GRIK3: variants seen among roughly 807,000 people sequenced by gnomAD.
GRIK3 encodes the protein glutamate receptor ionotropic, kainate 3.
GRIK3 carries 29 observed loss-of-function variants against 102.5 expected under a neutral mutation model. The ratio of observed to expected loss-of-function variants is 0.28; its 90% CI spans 0.21 to 0.39. The LOEUF (loss-of-function observed/expected upper bound fraction) is 0.39. GRIK3 is among the 10% of genes least tolerant of loss of function. The probability of loss-of-function intolerance (pLI) is 1.00; values close to 1 mark genes in which losing one functional copy is unlikely to be tolerated. For synonymous variants in GRIK3, 511 were observed against 504.9 expected (o/e 1.01, Z -0.16); for missense variants, 908 against 1,252.4 (o/e 0.73, Z 4.15).
chr1:36,830,340 T>C (rs937448462), intron 10 of GRIK3, among the ~76,000 whole-genome samples: 2 of 151,806 alleles, frequency 1.3e-5, no homozygotes, highest in African/African-American at 4.8e-5. Flanking sequence ...GCAAGCCACA[T>C]GTAGTGGATT....
intron 1 of GRIK3, among the ~76,000 whole-genome samples, chr1:36,982,168 C>T (rs1434595098): frequency 6.6e-6 from 1 of 152,166 alleles, no homozygotes; most frequent in Non-Finnish European, 1.5e-5. Flanking sequence ...AGGAATGTGC[C>T]AGTTTGTTAC....
intron 14 of GRIK3, 123 bp downstream of exon 14, chr1:36,805,979 AAG>A (rs1642495938): frequency 1.8e-6 from 1 of 556,788 alleles, no homozygotes. Flanking sequence ...ACAGAAAAAA[AAG>A]AGAAAACGTC....
intron 13 of GRIK3, among the ~76,000 whole-genome samples, chr1:36,808,275 T>C (rs569794673): frequency 7.9e-5 from 12 of 152,386 alleles, no homozygotes; most frequent in African/African-American, 2.4e-4. Flanking sequence ...ATTCTCCTGT[T>C]GTAGAAAGCT....
chr1:36,997,285 C>T (rs772326566), intron 1 of GRIK3, among the ~76,000 whole-genome samples: 46 of 152,278 alleles, frequency 3.0e-4, no homozygotes, highest in Admixed American at 3.9e-4. Context: ...GTTTATGGCG[C>T]GTTCTGTTCA....
intron 1 of GRIK3, among the ~76,000 whole-genome samples, chr1:36,942,331 TAGC>T (rs1440203710): frequency 1.3e-5 from 2 of 152,254 alleles, no homozygotes; most frequent in Non-Finnish European, 2.9e-5. Flanking sequence ...GCCGAGCTGA[TAGC>T]AGCGTCTGCC....
At chr1:36,875,568 C>T (rs532062959) in intron 3 of GRIK3, among the ~76,000 whole-genome samples, 6 of 152,340 alleles carry the variant, frequency 3.9e-5, no homozygotes, top group African/African-American at 1.4e-4. Context: ...TCTCTCGCCC[C>T]TCTGCAATTG....
rs549267063 is a variant in GRIK3 at position 36,863,354 on chromosome 1, C to T, written c.787-3337G>A. On this transcript the variant is annotated intron_variant, in intron 5 of 15. Transcript: ENST00000373091. ...GATCTTTCTAAGGTATAAATCCAAGCCTGTCATTTCCACACTTCAAATACT... is the reference window on the plus strand; with the variant it reads ...GATCTTTCTAAGGTATAAATCCAAGTCTGTCATTTCCACACTTCAAATACT... Among the ~76,000 whole-genome samples the T allele has an allele frequency of 2.0e-5, 3 of 152,280 alleles. No individual in the cohort carries two copies. The South Asian group carries it at 6.2e-4, about 32-fold the overall frequency.
chr1:36,942,575 C>A (rs1416173976), intron 1 of GRIK3, among the ~76,000 whole-genome samples: 1 of 152,094 alleles, frequency 6.6e-6, no homozygotes, highest in African/African-American at 2.4e-5. Context: ...CCAAACCCCA[C>A]CTCCACCCTT....
chr1:37,002,670 CTTTT>C (rs57712253), intron 1 of GRIK3, among the ~76,000 whole-genome samples: 3 of 135,238 alleles, frequency 2.2e-5, no homozygotes, highest in South Asian at 2.3e-4. Context: ...TTCTTTCTTT[CTTTT>C]TTTTTTTTTT....
At chr1:36,875,582 T>C (rs141917938) in intron 3 of GRIK3, among the ~76,000 whole-genome samples, 1 of 152,332 alleles carries the variant, frequency 6.6e-6, no homozygotes, top group East Asian at 1.9e-4. Flanking sequence ...GCAATTGTCA[T>C]GACAATGTGC....
Position 36,798,978 on chromosome 1 carries a change from A to G in GRIK3, c.*2873T>C, listed in dbSNP as rs1470900172. On this transcript the variant is annotated 3_prime_UTR_variant, in exon 16 of 16. Transcript: ENST00000373091. ...TGCATAGCCTCTGAAGAACATGCTC[A>G]TGTAGCATCACACACACAACACATG... The G allele has an allele frequency of 6.6e-6, 1 of 152,242 alleles. No homozygotes were observed. The highest frequency in any genetic ancestry group is 1.5e-5 in the Non-Finnish European group (1 of 68,048). 9.4% of individuals were successfully genotyped at this position (152,242 alleles called of 1,614,324 possible).
intron 7 of GRIK3, among the ~76,000 whole-genome samples, chr1:36,855,293 G>A (rs999278097): frequency 2.0e-5 from 3 of 152,104 alleles, no homozygotes; most frequent in Admixed American, 6.5e-5. Flanking sequence ...ATTCTGAATC[G>A]GGCTCCACAG....
intron 1 of GRIK3, among the ~76,000 whole-genome samples, chr1:36,966,148 G>A (rs1642075653): frequency 6.6e-6 from 1 of 152,242 alleles, no homozygotes; most frequent in South Asian, 2.1e-4. Flanking sequence ...CAAGGGTGCA[G>A]GTCCAGCCAT....
intron 10 of GRIK3, among the ~76,000 whole-genome samples, chr1:36,837,961 G>T (rs1395467326): frequency 6.6e-6 from 1 of 152,222 alleles, no homozygotes; most frequent in Non-Finnish European, 1.5e-5. Context: ...TGGATCCAGT[G>T]GGGGTAAGGT....
intron 1 of GRIK3, among the ~76,000 whole-genome samples, chr1:37,011,644 T>G (rs1468849472): frequency 6.6e-6 from 1 of 152,104 alleles, no homozygotes; most frequent in African/African-American, 2.4e-5. Flanking sequence ...TCTAAGGGGG[T>G]AAAAGTTAAC....
Position 36,892,516 on chromosome 1 carries a change from A to AC in GRIK3, c.116-1421_116-1420insG, listed in dbSNP as rs1289737774. Among the ~76,000 whole-genome samples the AC allele has an allele frequency of 0.011, 18 of 1,598 alleles. No homozygotes were observed. In the East Asian group the frequency reaches 0.4, roughly 36 times the overall value. The allele number at this position is 1,598 out of a possible 152,430, so 1.0% of individuals were successfully genotyped here. ...GAAAAAAATTAAAAATGACCAGCAC[A>AC]AAAAAAAAAAACACCTTTAATGAGA... On this transcript the variant is annotated intron_variant, in intron 1 of 15. Coordinates refer to ENST00000373091, the MANE Select transcript of GRIK3 (RefSeq NM_000831.4).
At chr1:36,860,769 G>A (rs971920987) in intron 5 of GRIK3, among the ~76,000 whole-genome samples, 8 of 152,206 alleles carry the variant, frequency 5.3e-5, no homozygotes, top group Admixed American at 3.9e-4. Flanking sequence ...GAGAGATGGC[G>A]GCAGAGGACG....
intron 10 of GRIK3, among the ~76,000 whole-genome samples, chr1:36,836,254 G>C (rs1189329177): frequency 6.6e-6 from 1 of 152,244 alleles, no homozygotes; most frequent in Non-Finnish European, 1.5e-5. Flanking sequence ...GGACATGGTG[G>C]GCACTGGGGT....
chr1:36,987,656 C>T (rs529568032), intron 1 of GRIK3, among the ~76,000 whole-genome samples: 1 of 152,250 alleles, frequency 6.6e-6, no homozygotes, highest in Non-Finnish European at 1.5e-5. Flanking sequence ...AGAATGTCTC[C>T]ATGGACTCTT....
Sources: allele counts gnomAD v4.1 joint callset (sites outside exome capture counted in the v4.1 genomes callset), GRCh38; gene constraint gnomAD v4.1.1; transcripts MANE v1.5; gene names NCBI Gene and HGNC (gene_info 2026-07-23, HGNC 2026-07-21).